VAC14: variants seen among roughly 807,000 people sequenced by gnomAD.
VAC14 encodes protein VAC14 homolog.
Under a neutral mutation model 85.3 loss-of-function variants are expected in VAC14, and 47 were observed. That is an observed-to-expected ratio of 0.55 (90% confidence interval 0.44 to 0.70). The LOEUF (loss-of-function observed/expected upper bound fraction) is 0.70, where lower values mean the gene tolerates loss of function less well. Among genes scored for constraint, VAC14 ranks in the 30% least tolerant of loss-of-function variants. The pLI is 0.00. For synonymous variants in VAC14, 447 were observed against 430.5 expected (o/e 1.04, Z -0.47); for missense variants, 861 against 1,004.3 (o/e 0.86, Z 1.93).
intron 14 of VAC14, among the ~76,000 whole-genome samples, chr16:70,705,881 G>C (rs1446659244): frequency 6.6e-6 from 1 of 152,224 alleles, no homozygotes; most frequent in African/African-American, 2.4e-5. Flanking sequence ...CTTGTTGGTG[G>C]CCCCATGAGA....
chr16:70,696,912 G>C, intron 16 of VAC14: 1 of 475,822 alleles, frequency 2.1e-6, no homozygotes, highest in Non-Finnish European at 3.9e-6. Flanking sequence ...TTTCTCCCGG[G>C]CCAGCTCCCC....
chr16:70,763,097 A>C, intron 10 of VAC14, 72 bp from the exon 11 acceptor site: 1 of 1,595,862 alleles, frequency 6.3e-7, no homozygotes, highest in Non-Finnish European at 8.6e-7. Flanking sequence ...TCATGGCACC[A>C]CCCTGGGCCT....
At chr16:70,777,744 C>T (rs1295555636) in intron 9 of VAC14, among the ~76,000 whole-genome samples, 3 of 152,278 alleles carry the variant, frequency 2.0e-5, no homozygotes, top group Non-Finnish European at 4.4e-5. Flanking sequence ...AAGGTTCTTG[C>T]CCGGAGGTGT....
At chr16:70,760,673 G>A (rs749729288) in intron 12 of VAC14, among the ~76,000 whole-genome samples, 25 of 152,174 alleles carry the variant, frequency 1.6e-4, no homozygotes, top group South Asian at 4.1e-4. Flanking sequence ...AGCCTGAACA[G>A]CGCTGTTTAA....
chr16:70,699,244 C>T (rs1270309509), intron 14 of VAC14: 1 of 198,854 alleles, frequency 5.0e-6, no homozygotes, highest in Non-Finnish European at 1.0e-5. Context: ...AGCCAATTCT[C>T]CACACATCGG....
intron 14 of VAC14, among the ~76,000 whole-genome samples, chr16:70,709,651 C>A (rs890252864): frequency 6.6e-6 from 1 of 152,212 alleles, no homozygotes; most frequent in African/African-American, 2.4e-5. Context: ...CAAACTCTGA[C>A]CCAGCGGAGA....
intron 9 of VAC14, among the ~76,000 whole-genome samples, chr16:70,775,406 C>T (rs1291360505): frequency 6.6e-6 from 1 of 152,244 alleles, no homozygotes; most frequent in Non-Finnish European, 1.5e-5. Context: ...AACGGGATCA[C>T]AAAACTTATT....
chr16:70,754,730 C>A (rs533208033), intron 12 of VAC14, among the ~76,000 whole-genome samples: 1 of 152,256 alleles, frequency 6.6e-6, no homozygotes, highest in Non-Finnish European at 1.5e-5. Context: ...CGGCACCCCT[C>A]CATTCTCTGG....
intron 12 of VAC14, among the ~76,000 whole-genome samples, chr16:70,751,437 C>T (rs2031378971): frequency 6.6e-6 from 1 of 152,238 alleles, no homozygotes; most frequent in South Asian, 2.1e-4. Flanking sequence ...CAGGGCCTTG[C>T]CTGAAATCTG....
intron 16 of VAC14, 167 bp downstream of exon 16, chr16:70,696,972 T>A: frequency 1.7e-6 from 1 of 594,006 alleles, no homozygotes. Context: ...AATACGTCCC[T>A]CCCCTCCCAG....
rs1567521509 is a variant in VAC14 at position 70,696,807 on chromosome 16, G to C, written c.1955+332C>G. 1.0e-5 allele frequency: 3 copies of C among 298,394 alleles called. No homozygotes were observed. The East Asian group carries it at 2.6e-4, about 26-fold the overall frequency. 18.5% of individuals were successfully genotyped at this position (298,394 alleles called of 1,614,324 possible). On this transcript the variant is annotated intron_variant, in intron 16 of 18. Transcript: ENST00000261776. ...CAGCCACCTTCTCCCAGGGGCAGGA[G>C]CTGGGGTTCTCTCCCACCCCAGCAA...
At chr16:70,797,496 C>T (rs2034594429) in intron 1 of VAC14, among the ~76,000 whole-genome samples, 2 of 152,194 alleles carry the variant, frequency 1.3e-5, no homozygotes, top group African/African-American at 2.4e-5. Context: ...GCAGTACTGA[C>T]AGATGACAAC....
chr16:70,714,069 C>T (rs1224459730), intron 14 of VAC14: 1 of 152,248 alleles, frequency 6.6e-6, no homozygotes, highest in Non-Finnish European at 1.5e-5. Context: ...TGCTCCAGCG[C>T]CCCTCTCCTG....
At chr16:70,754,438 G>C (rs987952067) in intron 12 of VAC14, among the ~76,000 whole-genome samples, 2 of 152,212 alleles carry the variant, frequency 1.3e-5, no homozygotes, top group Non-Finnish European at 2.9e-5. Flanking sequence ...TGTCCCCGAG[G>C]AGGAAGGCTC....
chr16:70,689,165 T>C, intron 18 of VAC14: 2 of 976,722 alleles, frequency 2.0e-6, no homozygotes, highest in Non-Finnish European at 2.4e-6. Flanking sequence ...CTTGAGCATG[T>C]GACTGTTTCC....
At position 70,688,051 on chromosome 16, in the gene VAC14, G is replaced by C. The variant is rs781760984; in HGVS notation, c.2226C>G (p.Asp742Glu). The change falls in exon 19 of 19, where the codon GAC becomes GAG. Residue 742 changes from aspartate (D) to glutamate (E), a missense_variant. Asp to Glu is a conservative substitution (Grantham distance 45, BLOSUM62 2). Around this residue, in one of 3 missense-constraint regions of VAC14, gnomAD observed 163 missense variants for 162.2 expected, o/e 1.00. Transcript: ENST00000261776. Reference protein sequence around the residue: ...LKAAPKSQKADSPSIDYAELL... With the variant: ...LKAAPKSQKAESPSIDYAELL... ...GCTCTGCGTAGTCGATGCTAGGGGA[G>C]TCAGCTTTCTGGGACTTGGGGGCTG... The C allele has an allele frequency of 1.3e-6, 2 of 1,597,390 alleles. No individual in the cohort carries two copies. Among genetic ancestry groups the C allele is most frequent in the South Asian group, 2.2e-5 (2 of 89,114 alleles).
intron 10 of VAC14, among the ~76,000 whole-genome samples, chr16:70,767,574 C>T (rs1386998362): frequency 1.3e-5 from 2 of 152,174 alleles, no homozygotes; most frequent in Admixed American, 1.3e-4. Flanking sequence ...TCATACAACA[C>T]CTGTTTGAGA....
chr16:70,772,062 A>T, intron 10 of VAC14, 47 bp downstream of exon 10: 1 of 1,579,760 alleles, frequency 6.3e-7, no homozygotes, highest in Non-Finnish European at 8.7e-7. Flanking sequence ...GGAAAGATCT[A>T]GGCCGCTCGC....
intron 13 of VAC14, among the ~76,000 whole-genome samples, chr16:70,740,591 A>G (rs1490803497): frequency 2.0e-5 from 3 of 152,182 alleles, no homozygotes; most frequent in African/African-American, 7.2e-5. Flanking sequence ...CCCCAGAGCC[A>G]GCAGGACCTC....
Sources: gnomAD v4.1 joint callset for allele counts (sites outside exome capture counted in the v4.1 genomes callset) on GRCh38, gnomAD v4.1.1 for gene constraint, gnomAD v4.1.1 regional missense constraint, MANE v1.5 for transcripts, NCBI Gene and HGNC (gene_info 2026-07-23, HGNC 2026-07-21) for gene names.